The following MPRIP variants were observed in gnomAD, a reference collection of about 807,000 sequenced individuals.
MPRIP encodes myosin phosphatase Rho-interacting protein.
MPRIP carries 59 observed loss-of-function variants against 234.9 expected under a neutral mutation model. The observed-to-expected ratio is 0.25, with a 90% confidence interval of 0.20 to 0.31. The LOEUF is 0.31. MPRIP is among the 10% of genes least tolerant of loss of function. The probability of loss-of-function intolerance (pLI) is 1.00; values close to 1 mark genes in which losing one functional copy is unlikely to be tolerated. For missense variants in MPRIP, 2,436 were observed against 3,071.0 expected (o/e 0.79, Z 4.89); for synonymous variants, 1,144 against 1,263.9 (o/e 0.91, Z 2.01).
In MPRIP at chr17:17,167,803, A is replaced by G; in HGVS notation, c.6212A>G (p.Gln2071Arg). ...DSMTGLRERI[Q>R]ELEAQMDVMR... is the part of the protein sequence containing the mutation. ...ATGACGGGGCTGAGGGAGCGCATCC[A>G]GGAGCTGGAGGCCCAGATGGATGTC... Residue 2071 changes from glutamine (Q) to arginine (R), a missense_variant, in exon 16 of 24, where the codon CAG (glutamine) becomes CGG (arginine). Gln to Arg is a conservative substitution (Grantham distance 43, BLOSUM62 1). Transcript: ENST00000651222. The surrounding 1 kb of genome is among the most constrained non-coding windows in gnomAD (Gnocchi z 5.9). 1 of 1,304,264 alleles carries G rather than the reference A, an allele frequency of 7.7e-7. No homozygotes were observed. The highest frequency in any genetic ancestry group is 1.2e-5 in the South Asian group (1 of 81,030). 80.8% of individuals were successfully genotyped at this position (1,304,264 alleles called of 1,614,324 possible).
intron 3 of MPRIP, among the ~76,000 whole-genome samples, chr17:17,100,566 G>A (rs1479390029): frequency 1.3e-5 from 2 of 152,272 alleles, no homozygotes; most frequent in South Asian, 2.1e-4. Context: ...ATTACTGCCT[G>A]AGCTCCACCT....
intron 3 of MPRIP, among the ~76,000 whole-genome samples, chr17:17,109,752 A>G (rs1433969876): frequency 6.6e-6 from 1 of 152,058 alleles, no homozygotes; most frequent in Non-Finnish European, 1.5e-5. Flanking sequence ...GAAATGATCA[A>G]TTCTAGGGCT....
At chr17:17,052,215 C>T (rs1232615725) in intron 1 of MPRIP, among the ~76,000 whole-genome samples, 1 of 152,214 alleles carries the variant, frequency 6.6e-6, no homozygotes, top group Admixed American at 6.5e-5. Flanking sequence ...CTCCAGACTC[C>T]ACCCTGGCTC....
At position 17,103,407 on chromosome 17, in the gene MPRIP, C is replaced by T. The variant is rs541883888; in HGVS notation, c.268-23295C>T. On this transcript the variant is annotated intron_variant, in intron 3 of 23. Transcript: ENST00000651222. ...TCTTGCAGTGGCTCTTTGGGAGCAG[C>T]GGCTGCTATTTTTAGTAAGCTGCCT... Among the ~76,000 whole-genome samples the T allele has an allele frequency of 7.9e-5, 12 of 152,350 alleles. No individual in the cohort carries two copies. The East Asian group carries it at 2.1e-3, about 27-fold the overall frequency.
At chr17:17,091,647 A>G (rs575824649) in intron 3 of MPRIP, among the ~76,000 whole-genome samples, 2 of 152,176 alleles carry the variant, frequency 1.3e-5, no homozygotes, top group South Asian at 4.1e-4. Context: ...ACTACATCAC[A>G]TCCCTTGCGG....
Position 17,142,693 on chromosome 17 carries a change from T to C in MPRIP, c.1317T>C (p.Asn439=), listed in dbSNP as rs1456316163. The change falls in exon 8 of 24, where the codon AAT becomes AAC. Residue 439 remains asparagine, a synonymous_variant. Coordinates refer to ENST00000651222, the MANE Select transcript of MPRIP (RefSeq NM_001364716.4). Reference sequence around the variant, plus strand: ...AGAAGGCAGAGCACATGGAGACCAATGCAGTGGGGCCCTCACCATCCAGCG... The same window carrying C: ...AGAAGGCAGAGCACATGGAGACCAACGCAGTGGGGCCCTCACCATCCAGCG... The part of the protein sequence containing the change: ...DIEKAEHMET[N]AVGPSPSSDT... 8.1e-6 allele frequency: 13 copies of C among 1,612,100 alleles called. No individual in the cohort carries two copies. The highest frequency in any genetic ancestry group is 1.3e-5 in the African/African-American group (1 of 74,850).
At chr17:17,076,565 A>G (rs925715598) in intron 2 of MPRIP, among the ~76,000 whole-genome samples, 1 of 152,158 alleles carries the variant, frequency 6.6e-6, no homozygotes, top group Admixed American at 6.6e-5. Flanking sequence ...TGCTTCTAGA[A>G]TGGGTTTTGA....
At chr17:17,146,538 G>A (rs1175627824) in intron 10 of MPRIP, among the ~76,000 whole-genome samples, 1 of 152,214 alleles carries the variant, frequency 6.6e-6, no homozygotes, top group African/African-American at 2.4e-5. Context: ...CCCCTCAGCT[G>A]CAGTGGCAGT....
intron 3 of MPRIP, among the ~76,000 whole-genome samples, chr17:17,101,736 A>G (rs1298652677): frequency 1.3e-5 from 2 of 152,238 alleles, no homozygotes; most frequent in Non-Finnish European, 2.9e-5. Context: ...GAGTTCTAGA[A>G]ATAGAATGGA....
intron 1 of MPRIP, among the ~76,000 whole-genome samples, chr17:17,051,742 C>G (rs2088548087): frequency 6.6e-6 from 1 of 152,254 alleles, no homozygotes; most frequent in African/African-American, 2.4e-5. Context: ...GGGGTTGATT[C>G]ACTGACATTT....
Position 17,144,861 on chromosome 17 carries a change from A to G in MPRIP, c.1504-1175A>G, listed in dbSNP as rs187237371. 1.1e-4 allele frequency among the ~76,000 whole-genome samples: 17 copies of G among 152,334 alleles called. No homozygotes were observed. The East Asian group carries it at 3.3e-3, about 29-fold the overall frequency. ...CAGAGCGAGACTCCGTCTCAAAAAAAAGAAAGATCTGCAAGCTAAGCAGGC... is the reference window on the plus strand; with the variant it reads ...CAGAGCGAGACTCCGTCTCAAAAAAGAGAAAGATCTGCAAGCTAAGCAGGC... On this transcript the variant is annotated intron_variant, in intron 9 of 23. Coordinates refer to ENST00000651222, the MANE Select transcript of MPRIP (RefSeq NM_001364716.4).
In MPRIP at chr17:17,188,838, G is replaced by T. The variant is rs941095358; in HGVS notation, c.*3944G>T. ...GGAGGCCAAGGCCACCCTGTGTGGG[G>T]TCCCTGTTGGCAGCCAGGTCCCTAC... On this transcript the variant is annotated 3_prime_UTR_variant, in exon 24 of 24. Transcript: ENST00000651222. 2 of 152,172 alleles carry T rather than the reference G, an allele frequency of 1.3e-5. No individual in the cohort carries two copies. Among genetic ancestry groups the T allele is most frequent in the African/African-American group, 4.8e-5 (2 of 41,430 alleles). The allele number at this position is 152,172 out of a possible 1,614,324, so 9.4% of individuals were successfully genotyped here.
At chr17:17,171,364 C>T (rs1452464460) in intron 16 of MPRIP, 1 of 197,648 alleles carries the variant, frequency 5.1e-6, no homozygotes, top group East Asian at 1.3e-4. Context: ...TCCTGTGGGT[C>T]CCACCTGGCA....
chr17:17,055,442 C>G (rs897221092), intron 1 of MPRIP, among the ~76,000 whole-genome samples: 1 of 152,148 alleles, frequency 6.6e-6, no homozygotes, highest in African/African-American at 2.4e-5. Flanking sequence ...CAGGACGTTT[C>G]GTGGCCCCCT....
intron 3 of MPRIP, among the ~76,000 whole-genome samples, chr17:17,087,298 G>A (rs760377642): frequency 2.6e-4 from 39 of 152,232 alleles, no homozygotes; most frequent in Admixed American, 7.8e-4. Context: ...CTCCTGTCCC[G>A]ACTTAGAGCC....
intron 3 of MPRIP, among the ~76,000 whole-genome samples, chr17:17,081,152 A>G (rs557190649): frequency 1.4e-4 from 22 of 152,340 alleles, no homozygotes; most frequent in East Asian, 7.7e-4. Context: ...TCCACACTCA[A>G]TCAGCATCTA....
intron 23 of MPRIP, chr17:17,183,057 G>C (rs2046405488): frequency 6.6e-6 from 1 of 152,328 alleles, no homozygotes; most frequent in Non-Finnish European, 1.5e-5. Context: ...CTGGAAGCAG[G>C]CATGGGTGTT....
chr17:17,142,618 C>G lies in MPRIP; in HGVS notation c.1251-9C>G. 1 of 1,610,926 alleles carries G rather than the reference C, an allele frequency of 6.2e-7. No individual in the cohort carries two copies. Among genetic ancestry groups the G allele is most frequent in the Non-Finnish European group, 8.5e-7 (1 of 1,179,376 alleles). Reference sequence around the variant, plus strand: ...CTGCCACCTCAGGGCCTCGTGTCCTCTCTTGCAGGAGGTCCCAGGTGATTG... The same window carrying G: ...CTGCCACCTCAGGGCCTCGTGTCCTGTCTTGCAGGAGGTCCCAGGTGATTG... On this transcript the variant is annotated splice_polypyrimidine_tract_variant and intron_variant, in intron 7 of 23. Coordinates refer to ENST00000651222, the MANE Select transcript of MPRIP (RefSeq NM_001364716.4).
chr17:17,167,666 G>A lies in MPRIP; in HGVS notation c.6075G>A (p.Ser2025=), dbSNP rs1054689028. The part of the protein sequence containing the change: ...EELRTLQEHY[S]QSLRCLQDTL... ...TGAGGACCCTGCAGGAGCACTACTC[G>A]CAGAGCCTGAGGTGCCTTCAGGACA... The change falls in exon 16 of 24, where the codon TCG becomes TCA. Residue 2025 remains serine, a synonymous_variant. Transcript: ENST00000651222. The surrounding 1 kb of genome is among the most constrained non-coding windows in gnomAD (Gnocchi z 5.9). The A allele has an allele frequency of 2.4e-5, 31 of 1,304,090 alleles. No individual in the cohort carries two copies. The highest frequency in any genetic ancestry group is 3.1e-5 in the Non-Finnish European group (31 of 988,968). The allele number at this position is 1,304,090 out of a possible 1,614,324, so 80.8% of individuals were successfully genotyped here. A position where few individuals can be genotyped will look rare whatever the true frequency, so the allele number is the denominator to read the frequency against.
Sources: gnomAD v4.1 joint callset for allele counts (sites outside exome capture counted in the v4.1 genomes callset) on GRCh38, gnomAD v4.1.1 for gene constraint, Gnocchi (gnomAD v3.1) non-coding constraint, MANE v1.5 for transcripts, NCBI Gene and HGNC (gene_info 2026-07-23, HGNC 2026-07-21) for gene names.